Variants in ELAVL2 observed in about 807,000 individuals in gnomAD.
ELAVL2 encodes the protein ELAV-like protein 2.
A neutral mutation model predicts 34.6 loss-of-function variants in ELAVL2; 4 were observed. The ratio of observed to expected loss-of-function variants is 0.12; its 90% CI spans 0.06 to 0.26. The LOEUF (loss-of-function observed/expected upper bound fraction) is 0.26. Among genes scored for constraint, ELAVL2 ranks in the 10% least tolerant of loss-of-function variants. The pLI is 1.00. For missense variants in ELAVL2, 432 were observed against 442.8 expected, an observed-to-expected ratio of 0.98 and a Z score of 0.22; for synonymous variants, 193 against 154.8, an observed-to-expected ratio of 1.25 and a Z score of -1.83.
rs112857451 is a variant in ELAVL2, at chr9:23,803,934, T to C, written c.-16+21872A>G. On this transcript the variant is annotated intron_variant, in intron 1 of 6. Transcript: ENST00000397312. ...TGAGAGTGGCATCCACATCCTAGTG[T>C]TTCTGAGCACCCAACGACCATGCAC... Among the ~76,000 whole-genome samples the C allele has an allele frequency of 9.9e-5, 15 of 152,254 alleles. 2 individuals are homozygous for C. Among genetic ancestry groups the C allele is most frequent in the African/African-American group, 3.6e-4 (15 of 41,566 alleles).
chr9:23,820,859 G>A (rs1444267995), intron 1 of ELAVL2, among the ~76,000 whole-genome samples: 2 of 152,120 alleles, frequency 1.3e-5, no homozygotes, highest in Admixed American at 1.3e-4. Context: ...CGCGCTTCCC[G>A]CGCAGCGCAC....
At chr9:23,776,760 AAAG>A in intron 1 of ELAVL2, among the ~76,000 whole-genome samples, 1 of 151,240 alleles carries the variant, frequency 6.6e-6, no homozygotes, top group Non-Finnish European at 1.5e-5. Context: ...AAAAAAAAAA[AAAG>A]ATGGCAAAAT....
intron 1 of ELAVL2, chr9:23,779,132 G>C (rs1330914692): frequency 1.1e-6 from 1 of 945,704 alleles, no homozygotes; most frequent in Non-Finnish European, 1.3e-6. Context: ...TAAATTTCCA[G>C]GTTAACGCTC....
chr9:23,699,935 A>C (rs1236317427), intron 5 of ELAVL2, among the ~76,000 whole-genome samples: 1 of 150,528 alleles, frequency 6.6e-6, no homozygotes, highest in East Asian at 2.0e-4. Flanking sequence ...TCCCACGGCA[A>C]AGGCCAACTT....
At chr9:23,820,804 C>A (rs1358821402) in intron 1 of ELAVL2, among the ~76,000 whole-genome samples, 1 of 152,230 alleles carries the variant, frequency 6.6e-6, no homozygotes, top group Non-Finnish European at 1.5e-5. Flanking sequence ...GCAACCACGG[C>A]AAGCGAACTG....
In ELAVL2 at chr9:23,691,007, C is replaced by T. The variant is rs1227212670; in HGVS notation, c.*1550G>A. ...AAAATGTAAGGAAATTTGTTCAAAA[C>T]CTATGGTTATACTCATTTTTTTATA... On this transcript the variant is annotated 3_prime_UTR_variant, in exon 7 of 7. Transcript: ENST00000397312. The T allele has an allele frequency of 6.6e-6, 1 of 152,480 alleles. No individual in the cohort carries two copies. Among genetic ancestry groups the T allele is most frequent in the Non-Finnish European group, 1.5e-5 (1 of 67,978 alleles). 9.4% of individuals were successfully genotyped at this position (152,480 alleles called of 1,614,324 possible).
At chr9:23,744,493 A>G (rs1413505254) in intron 2 of ELAVL2, among the ~76,000 whole-genome samples, 2 of 152,188 alleles carry the variant, frequency 1.3e-5, no homozygotes, top group African/African-American at 4.8e-5. Context: ...TTATTCAGGG[A>G]AAAACTTTAA....
At chr9:23,813,885 A>C (rs2063357050) in intron 1 of ELAVL2, among the ~76,000 whole-genome samples, 1 of 152,178 alleles carries the variant, frequency 6.6e-6, no homozygotes, top group South Asian at 2.1e-4. Context: ...CTTTACACTT[A>C]ACTTTTTAAT....
intron 1 of ELAVL2, among the ~76,000 whole-genome samples, chr9:23,823,203 G>A (rs2065050399): frequency 6.6e-6 from 1 of 152,228 alleles, no homozygotes; most frequent in African/African-American, 2.4e-5. Flanking sequence ...ACTGCTCAAA[G>A]CGCCTGCGCC....
intron 2 of ELAVL2, among the ~76,000 whole-genome samples, chr9:23,741,424 C>G (rs777135553): frequency 6.6e-6 from 1 of 152,170 alleles, no homozygotes; most frequent in Non-Finnish European, 1.5e-5. Flanking sequence ...GGTATAATCA[C>G]TGAGCAGATG....
chr9:23,784,223 G>T (rs1233344531), intron 1 of ELAVL2, among the ~76,000 whole-genome samples: 1 of 152,064 alleles, frequency 6.6e-6, no homozygotes, highest in Non-Finnish European at 1.5e-5. Context: ...AAAATGCTGG[G>T]CACAGAGACT....
intron 1 of ELAVL2, among the ~76,000 whole-genome samples, chr9:23,816,659 A>G (rs995756462): frequency 3.9e-5 from 6 of 152,142 alleles, no homozygotes; most frequent in Non-Finnish European, 8.8e-5. Context: ...AGGAGAAACT[A>G]TATTTTGAAT....
At chr9:23,751,494 G>A (rs2052017468) in intron 2 of ELAVL2, among the ~76,000 whole-genome samples, 1 of 152,066 alleles carries the variant, frequency 6.6e-6, no homozygotes, top group African/African-American at 2.4e-5. Flanking sequence ...TTTTTCCTCA[G>A]CCTTCTGATC....
intron 1 of ELAVL2, among the ~76,000 whole-genome samples, chr9:23,810,681 A>G (rs2062856139): frequency 6.6e-6 from 1 of 152,182 alleles, no homozygotes. Context: ...GTACAGAACT[A>G]GGAGTCTGAC....
chr9:23,732,308 G>A (rs567209198), intron 2 of ELAVL2, among the ~76,000 whole-genome samples: 1 of 152,168 alleles, frequency 6.6e-6, no homozygotes, highest in Non-Finnish European at 1.5e-5. Flanking sequence ...TAAACGAAAA[G>A]AGAAGGCTAA....
At chr9:23,773,515 C>A (rs1245521759) in intron 1 of ELAVL2, among the ~76,000 whole-genome samples, 1 of 152,060 alleles carries the variant, frequency 6.6e-6, no homozygotes, top group African/African-American at 2.4e-5. Flanking sequence ...GGCAAGTACC[C>A]CCATGTTACA....
intron 1 of ELAVL2, among the ~76,000 whole-genome samples, chr9:23,774,186 T>C (rs1025974462): frequency 1.2e-4 from 14 of 116,156 alleles, no homozygotes; most frequent in African/African-American, 4.5e-4. Flanking sequence ...ACCCCAAGCC[T>C]GGGCAAAAGT....
At chr9:23,817,795 C>A (rs2138392242) in intron 1 of ELAVL2, among the ~76,000 whole-genome samples, 1 of 152,216 alleles carries the variant, frequency 6.6e-6, no homozygotes, top group East Asian at 1.9e-4. Flanking sequence ...CTAAGTACCC[C>A]ACAAAAATCT....
At chr9:23,809,229 T>C (rs533572380) in intron 1 of ELAVL2, among the ~76,000 whole-genome samples, 2 of 152,290 alleles carry the variant, frequency 1.3e-5, no homozygotes, top group Admixed American at 6.5e-5. Flanking sequence ...GACAATCTGA[T>C]GACCTTATTT....
Sources: allele counts gnomAD v4.1 joint callset (sites outside exome capture counted in the v4.1 genomes callset), GRCh38; gene constraint gnomAD v4.1.1; transcripts MANE v1.5; gene names NCBI Gene and HGNC (gene_info 2026-07-23, HGNC 2026-07-21).